The following ARHGEF38 variants were observed in gnomAD, a reference collection of about 807,000 sequenced individuals.
ARHGEF38 encodes Rho guanine nucleotide exchange factor (GEF) 38.
Under a neutral mutation model 79.9 loss-of-function variants are expected in ARHGEF38, and 79 were observed. The ratio of observed to expected loss-of-function variants is 0.99; its 90% CI spans 0.82 to 1.19. The LOEUF (loss-of-function observed/expected upper bound fraction) is 1.19, where lower values mean the gene tolerates loss of function less well. Ranked by LOEUF, ARHGEF38 falls within the 50% of genes most tolerant of loss-of-function variation. The probability of loss-of-function intolerance (pLI) is 0.00; values close to 1 mark genes in which losing one functional copy is unlikely to be tolerated. For missense variants in ARHGEF38, 962 were observed against 907.2 expected (o/e 1.06, Z -0.78); for synonymous variants, 366 against 328.3 (o/e 1.11, Z -1.24).
intron 2 of ARHGEF38, among the ~76,000 whole-genome samples, chr4:105,589,886 A>G (rs1440250840): frequency 1.3e-5 from 2 of 151,952 alleles, no homozygotes; most frequent in Non-Finnish European, 2.9e-5. Context: ...CAAAATACAA[A>G]AAATTAGCTG....
intron 7 of ARHGEF38, among the ~76,000 whole-genome samples, chr4:105,651,628 G>A (rs1327664374): frequency 2.6e-5 from 4 of 152,118 alleles, no homozygotes; most frequent in East Asian, 3.9e-4. Flanking sequence ...GCTAAGTCAG[G>A]TAGTTGTTTA....
intron 7 of ARHGEF38, among the ~76,000 whole-genome samples, chr4:105,651,301 G>A (rs1730094410): frequency 6.6e-6 from 1 of 152,194 alleles, no homozygotes; most frequent in African/African-American, 2.4e-5. Context: ...AGGCTGGACG[G>A]GAAAAGAGAT....
intron 2 of ARHGEF38, among the ~76,000 whole-genome samples, chr4:105,601,162 C>G (rs1727805350): frequency 6.6e-6 from 1 of 152,312 alleles, no homozygotes; most frequent in East Asian, 1.9e-4. Context: ...CAAGGTCCTA[C>G]AGGGGCTGGC....
intron 1 of ARHGEF38, among the ~76,000 whole-genome samples, chr4:105,553,780 G>A (rs1725116477): frequency 6.6e-6 from 1 of 151,774 alleles, no homozygotes; most frequent in South Asian, 2.1e-4. Flanking sequence ...CTTTTCTTCG[G>A]TACTTGTTAT....
chr4:105,671,389 G>C (rs1425570566), intron 13 of ARHGEF38, among the ~76,000 whole-genome samples: 1 of 152,170 alleles, frequency 6.6e-6, no homozygotes, highest in Non-Finnish European at 1.5e-5. Context: ...CTACAAGGGA[G>C]AAGAGAAGGC....
At chr4:105,671,715 A>G (rs1419292289) in intron 13 of ARHGEF38, among the ~76,000 whole-genome samples, 2 of 152,228 alleles carry the variant, frequency 1.3e-5, no homozygotes, top group African/African-American at 4.8e-5. Flanking sequence ...AATACAGTAC[A>G]TATTGTAATA....
At chr4:105,668,593 T>C (rs56949813) in intron 13 of ARHGEF38, among the ~76,000 whole-genome samples, 4,124 of 152,230 alleles carry the variant, frequency 0.027, 177 homozygotes, top group African/African-American at 0.093. Context: ...TTTACCTTGC[T>C]TTTTCTTTAG....
intron 1 of ARHGEF38, among the ~76,000 whole-genome samples, chr4:105,564,036 C>T (rs959420712): frequency 2.6e-5 from 4 of 152,070 alleles, no homozygotes; most frequent in South Asian, 4.1e-4. Flanking sequence ...TTAGGGTACT[C>T]AGTGAAAAAC....
chr4:105,629,179 C>G (rs1023519047), intron 3 of ARHGEF38, among the ~76,000 whole-genome samples: 2 of 152,144 alleles, frequency 1.3e-5, no homozygotes, highest in Non-Finnish European at 2.9e-5. Context: ...TAAATTGTTT[C>G]TGATTTCAAG....
At position 105,589,383 on chromosome 4, in the gene ARHGEF38, A is replaced by G. The variant is rs765574141; in HGVS notation, c.332A>G (p.Asn111Ser). Residue 111 changes from asparagine to serine, a missense_variant, in exon 2 of 14, where the codon AAT becomes AGT. Coordinates refer to ENST00000420470, the MANE Select transcript of ARHGEF38 (RefSeq NM_001242729.2). Reference protein sequence around the residue: ...ELIQTEKDYLNDLELCVREVV... With the variant: ...ELIQTEKDYLSDLELCVREVV... The stretch of plus-strand genomic sequence containing the variant: ...ATACAGACAGAAAAGGATTATCTCA[A>G]TGATCTAGAGCTGTGTGTTAGGGAA... 2.5e-5 allele frequency: 40 copies of G among 1,613,998 alleles called. No individual in the cohort carries two copies. The highest frequency in any genetic ancestry group is 1.6e-4 in the Middle Eastern group (1 of 6,080).
chr4:105,620,729 G>A (rs956678318), intron 3 of ARHGEF38, among the ~76,000 whole-genome samples: 3 of 152,072 alleles, frequency 2.0e-5, no homozygotes, highest in African/African-American at 7.2e-5. Flanking sequence ...CATATCAAGT[G>A]TCATTTTCAC....
chr4:105,650,605 C>G (rs1318477446), intron 7 of ARHGEF38, among the ~76,000 whole-genome samples: 1 of 152,200 alleles, frequency 6.6e-6, no homozygotes, highest in Non-Finnish European at 1.5e-5. Context: ...GCACCAAAAC[C>G]TGGTGCTTTG....
chr4:105,598,624 ATACAT>A (rs997920294), intron 2 of ARHGEF38, among the ~76,000 whole-genome samples: 7 of 152,160 alleles, frequency 4.6e-5, no homozygotes, highest in Admixed American at 4.6e-4. Flanking sequence ...GAAGAATAAG[ATACAT>A]TACAACAAAA....
rs1730222318 is a variant in ARHGEF38 at position 105,654,077 on chromosome 4, A to T, written c.1021A>T (p.Thr341Ser). The stretch of plus-strand genomic sequence containing the variant: ...ATATATATTTTAGGTTAAAGACAAT[A>T]CCTTTAACAGAGAAGAAAAGCTGTT... The part of the protein sequence containing the change: ...TRGESQVKDN[T>S]FNREEKLFRA... Residue 341 changes from threonine (T) to serine (S), a missense_variant, in exon 8 of 14, where the codon ACC (threonine) becomes TCC (serine). Transcript: ENST00000420470. 6.7e-7 allele frequency: 1 copy of T among 1,486,484 alleles called. No individual in the cohort carries two copies. Among genetic ancestry groups the T allele is most frequent in the African/African-American group, 1.4e-5 (1 of 71,914 alleles). The allele number at this position is 1,486,484 out of a possible 1,614,324, so 92.1% of individuals were successfully genotyped here.
At chr4:105,566,992 A>G (rs1725953948) in intron 1 of ARHGEF38, among the ~76,000 whole-genome samples, 1 of 152,142 alleles carries the variant, frequency 6.6e-6, no homozygotes, top group South Asian at 2.1e-4. Flanking sequence ...ATCTTAGGTG[A>G]TCCTCCTGCC....
rs562021987 is a variant in ARHGEF38 at position 105,558,489 on chromosome 4, C to G, written c.196+5528C>G. Reference sequence around the variant, plus strand: ...AAGTATTTGAATCAGTAATGTGACACCAGTACAAACAGGTGTGTGTCATAG... The same window carrying G: ...AAGTATTTGAATCAGTAATGTGACAGCAGTACAAACAGGTGTGTGTCATAG... On this transcript the variant is annotated intron_variant, in intron 1 of 13. Coordinates refer to ENST00000420470, the MANE Select transcript of ARHGEF38 (RefSeq NM_001242729.2). Among the ~76,000 whole-genome samples, 22 of 152,304 alleles carry G rather than the reference C, an allele frequency of 1.4e-4. No homozygotes were observed. The South Asian group carries it at 4.6e-3, about 32-fold the overall frequency.
chr4:105,597,040 T>A (rs72669972), intron 2 of ARHGEF38, among the ~76,000 whole-genome samples: 6,539 of 152,244 alleles, frequency 0.043, 195 homozygotes, highest in Middle Eastern at 0.12. Context: ...CCAGCCCAGC[T>A]CCTCAGACCC....
At position 105,671,314 on chromosome 4, in the gene ARHGEF38, G is replaced by A. The variant is rs542399669; in HGVS notation, c.2148+3611G>A. Among the ~76,000 whole-genome samples the A allele has an allele frequency of 5.9e-5, 9 of 152,246 alleles. 1 individual carries two copies. The East Asian group carries it at 1.7e-3, about 29-fold the overall frequency. ...AAACTGAAGGTGAACCCTGTGCAGG[G>A]AAAAAGTCTGTCCCAATAAACTTAC... On this transcript the variant is annotated intron_variant, in intron 13 of 13. Coordinates refer to ENST00000420470, the MANE Select transcript of ARHGEF38 (RefSeq NM_001242729.2).
At chr4:105,654,748 C>T (rs746662359) in intron 8 of ARHGEF38, among the ~76,000 whole-genome samples, 1 of 152,090 alleles carries the variant, frequency 6.6e-6, no homozygotes, top group Non-Finnish European at 1.5e-5. Flanking sequence ...GTAGAAAAAC[C>T]AGTCAGAGGT....
Sources: allele counts gnomAD v4.1 joint callset (sites outside exome capture counted in the v4.1 genomes callset), GRCh38; gene constraint gnomAD v4.1.1; transcripts MANE v1.5; gene names NCBI Gene and HGNC (gene_info 2026-07-23, HGNC 2026-07-21).